XRCC4: variants seen among roughly 807,000 people sequenced by gnomAD.
The protein encoded by XRCC4 is X-ray repair cross complementing 4.
In XRCC4, 28 loss-of-function variants were observed where a neutral mutation model predicts 39.1. The observed-to-expected ratio is 0.72, with a 90% CI of 0.53 to 0.98. The LOEUF is 0.98. XRCC4 is among the 50% of genes least tolerant of loss of function. The pLI, the probability that XRCC4 is intolerant of heterozygous loss-of-function variation, is 0.00. For missense variants in XRCC4, 350 were observed against 376.4 expected (o/e 0.93, Z 0.58); for synonymous variants, 123 against 126.4 (o/e 0.97, Z 0.18).
At chr5:83,311,298 A>G (rs1362409776) in intron 7 of XRCC4, among the ~76,000 whole-genome samples, 1 of 152,212 alleles carries the variant, frequency 6.6e-6, no homozygotes, top group Non-Finnish European at 1.5e-5. Flanking sequence ...TCAAAAGATC[A>G]CCAGGGGACT....
intron 6 of XRCC4, among the ~76,000 whole-genome samples, chr5:83,219,452 G>C (rs1014902039): frequency 3.9e-5 from 6 of 152,146 alleles, no homozygotes; most frequent in Admixed American, 3.9e-4. Flanking sequence ...TGATCTAAGA[G>C]ACTGATATTT....
chr5:83,365,558 AG>A, the XRCC4 span, among the ~76,000 whole-genome samples: 4 of 152,208 alleles, frequency 2.6e-5, no homozygotes, highest in African/African-American at 9.6e-5. Context: ...ACGGTTATAC[AG>A]CCCTTCGTGA....
chr5:83,354,386 G>A (rs1757166053), downstream of XRCC4, among the ~76,000 whole-genome samples: 1 of 152,032 alleles, frequency 6.6e-6, no homozygotes, highest in South Asian at 2.1e-4. Context: ...GTTATTCTAG[G>A]TCGTTTGTGA....
chr5:83,103,024 A>ATATG (rs1217744068), intron 1 of XRCC4, among the ~76,000 whole-genome samples: 1 of 145,484 alleles, frequency 6.9e-6, no homozygotes, highest in Admixed American at 6.9e-5. Flanking sequence ...ATATATATAT[A>ATATG]TATATATGTC....
chr5:83,229,960 T>G (rs1395136260), intron 6 of XRCC4, among the ~76,000 whole-genome samples: 1 of 152,002 alleles, frequency 6.6e-6, no homozygotes, highest in Non-Finnish European at 1.5e-5. Context: ...CTAGAATTAA[T>G]TTTGTTGATA....
intron 7 of XRCC4, among the ~76,000 whole-genome samples, chr5:83,304,115 C>T (rs745800346): frequency 2.0e-5 from 3 of 150,034 alleles, no homozygotes; most frequent in African/African-American, 4.9e-5. Flanking sequence ...AAAAGTAATA[C>T]AAGTACTTTT....
intron 6 of XRCC4, among the ~76,000 whole-genome samples, chr5:83,223,814 A>G (rs1752182165): frequency 7.1e-6 from 1 of 141,164 alleles, no homozygotes; most frequent in African/African-American, 2.6e-5. Flanking sequence ...TGTATCTCCT[A>G]ATGCTATCCC....
intron 1 of XRCC4, among the ~76,000 whole-genome samples, chr5:83,083,166 G>A (rs1346427224): frequency 2.6e-5 from 4 of 151,830 alleles, no homozygotes; most frequent in East Asian, 1.9e-4. Context: ...TTACTTCAGC[G>A]CTTATCATTA....
chr5:83,159,104 C>T (rs1434609752), intron 3 of XRCC4, among the ~76,000 whole-genome samples: 1 of 152,004 alleles, frequency 6.6e-6, no homozygotes, highest in African/African-American at 2.4e-5. Context: ...AGAGGACTAC[C>T]TGGAAAATAT....
At chr5:83,311,834 A>G (rs938966168) in intron 7 of XRCC4, among the ~76,000 whole-genome samples, 5 of 152,094 alleles carry the variant, frequency 3.3e-5, no homozygotes, top group African/African-American at 1.2e-4. Context: ...TTTATAATAA[A>G]GGCTATTTAT....
chr5:83,242,757 A>G (rs1445400910), intron 6 of XRCC4, among the ~76,000 whole-genome samples: 4 of 152,162 alleles, frequency 2.6e-5, no homozygotes, highest in Non-Finnish European at 4.4e-5. Flanking sequence ...ATCCCATCCA[A>G]AATCAATTTC....
chr5:83,125,491 T>C (rs1264837343), intron 3 of XRCC4, among the ~76,000 whole-genome samples: 1 of 152,236 alleles, frequency 6.6e-6, no homozygotes, highest in Non-Finnish European at 1.5e-5. Context: ...CTTTCTTGGC[T>C]ATGAATGTCA....
rs28360221 is a variant in XRCC4, at chr5:83,256,203, G to A, written c.746-2327G>A. Reference sequence around the variant, plus strand: ...GATCCCATCAGCCTGCTTCTGGCCGGTGCATTCCTGATTAGATGCTAGAAA... The same window carrying A: ...GATCCCATCAGCCTGCTTCTGGCCGATGCATTCCTGATTAGATGCTAGAAA... On this transcript the variant is annotated intron_variant, in intron 6 of 7. Transcript: ENST00000396027. 7.7e-3 allele frequency among the ~76,000 whole-genome samples: 1,169 copies of A among 152,194 alleles called. 11 individuals are homozygous for A. Among genetic ancestry groups the A allele is most frequent in the African/African-American group, 0.026 (1,059 of 41,526 alleles).
chr5:83,142,597 A>G (rs1159267573), intron 3 of XRCC4, among the ~76,000 whole-genome samples: 1 of 152,250 alleles, frequency 6.6e-6, no homozygotes, highest in East Asian at 1.9e-4. Flanking sequence ...GTGTAACAGC[A>G]AGAGAAATTG....
intron 6 of XRCC4, among the ~76,000 whole-genome samples, chr5:83,231,528 T>G (rs923557122): frequency 6.6e-6 from 1 of 152,118 alleles, no homozygotes; most frequent in East Asian, 1.9e-4. Flanking sequence ...ATGATTCTTT[T>G]TAAATCATTT....
intron 3 of XRCC4, among the ~76,000 whole-genome samples, chr5:83,166,950 T>C (rs988439330): frequency 1.1e-4 from 17 of 151,858 alleles, no homozygotes; most frequent in African/African-American, 3.9e-4. Flanking sequence ...GACACAGTCT[T>C]GGCTCACTGC....
intron 7 of XRCC4, among the ~76,000 whole-genome samples, chr5:83,274,108 T>C (rs756950001): frequency 3.9e-5 from 6 of 152,116 alleles, no homozygotes; most frequent in Non-Finnish European, 7.4e-5. Context: ...AATTATATTA[T>C]GCCAGGCACA....
chr5:83,132,633 A>T (rs975584763), intron 3 of XRCC4, among the ~76,000 whole-genome samples: 2 of 151,412 alleles, frequency 1.3e-5, no homozygotes, highest in African/African-American at 4.9e-5. Context: ...CATCCATTTG[A>T]TCTTCAATCA....
intron 4 of XRCC4, among the ~76,000 whole-genome samples, chr5:83,198,928 T>C (rs979940660): frequency 7.2e-5 from 11 of 152,142 alleles, no homozygotes; most frequent in Non-Finnish European, 1.5e-4. Flanking sequence ...ATTTCATGGG[T>C]TTTCTACTTA....
Sources: allele counts gnomAD v4.1 joint callset (sites outside exome capture counted in the v4.1 genomes callset), GRCh38; gene constraint gnomAD v4.1.1; transcripts MANE v1.5; gene names NCBI Gene and HGNC (gene_info 2026-07-23, HGNC 2026-07-21).